The following HMCN2 variants were observed in gnomAD, a reference collection of about 807,000 sequenced individuals.
HMCN2 encodes the protein hemicentin-2.
In HMCN2, 325 loss-of-function variants were observed where a neutral mutation model predicts 377.5. The observed-to-expected ratio is 0.86, with a 90% CI of 0.79 to 0.94. The LOEUF is 0.94. Ranked by LOEUF, HMCN2 falls within the 40% of genes least tolerant of loss-of-function variation. The probability of loss-of-function intolerance (pLI) is 0.00; values close to 1 mark genes in which losing one functional copy is unlikely to be tolerated. For synonymous variants in HMCN2, 2,007 were observed against 2,046.8 expected, an observed-to-expected ratio of 0.98 and a Z score of 0.53; for missense variants, 4,543 against 4,725.3, an observed-to-expected ratio of 0.96 and a Z score of 1.13.
chr9:130,320,909 T>G lies in HMCN2; in HGVS notation c.2775+6T>G, dbSNP rs1281652452. 6.6e-6 allele frequency: 1 copy of G among 152,326 alleles called. No homozygotes were observed. The highest frequency in any genetic ancestry group is 2.4e-5 in the African/African-American group (1 of 41,500). The allele number at this position is 152,326 out of a possible 1,614,324, so 9.4% of individuals were successfully genotyped here. A position where few individuals can be genotyped will look rare whatever the true frequency, so the allele number is the denominator to read the frequency against. On this transcript the variant is annotated splice_donor_region_variant and intron_variant, in intron 18 of 97. Coordinates refer to ENST00000683500, the MANE Select transcript of HMCN2 (RefSeq NM_001291815.2). The stretch of plus-strand genomic sequence containing the variant: ...GGCTCAAGGACGGCCGGCCCGTGAG[T>G]GTCGGGCTCCTCTGGGTGCGGTGGG...
intron 47 of HMCN2, 50 bp downstream of exon 47, chr9:130,372,457 G>A: frequency 1.4e-6 from 1 of 733,742 alleles, no homozygotes; most frequent in Non-Finnish European, 1.7e-6. Flanking sequence ...CTTCCCCACT[G>A]CCTGGGAGCT....
Position 130,294,802 on chromosome 9 carries a change from G to A in HMCN2, c.613-53G>A, listed in dbSNP as rs988005331. On this transcript the variant is annotated intron_variant, in intron 4 of 97. Transcript: ENST00000683500. ...GTATGCTGCCTAAAATCCATGGGAG[G>A]GGGAAGACATTGTGGGCACCTGCCG... is the stretch of plus-strand genomic sequence containing the variant. 1.1e-5 allele frequency: 4 copies of A among 374,770 alleles called. No homozygotes were observed. In the East Asian group the frequency reaches 2.8e-4, roughly 26 times the overall value. 23.2% of individuals were successfully genotyped at this position (374,770 alleles called of 1,614,324 possible).
intron 94 of HMCN2, chr9:130,430,052 C>T (rs1844644341): frequency 3.3e-6 from 2 of 604,958 alleles, no homozygotes; most frequent in Non-Finnish European, 5.8e-6. Flanking sequence ...GAGCTGGAGT[C>T]TGGGACGAGG....
chr9:130,364,590 A>T (rs1840588028), intron 40 of HMCN2, 124 bp from the exon 41 acceptor site: 1 of 270,908 alleles, frequency 3.7e-6, no homozygotes, highest in Non-Finnish European at 5.7e-6. Flanking sequence ...AGCAGGACTG[A>T]AGGCAGAGGA....
At chr9:130,286,592 C>T (rs545668505) in intron 4 of HMCN2, among the ~76,000 whole-genome samples, 23 of 152,364 alleles carry the variant, frequency 1.5e-4, no homozygotes, top group Non-Finnish European at 2.6e-4. Flanking sequence ...GAGGCTGAGG[C>T]TTGACGCAGC....
rs1268625504 is a variant in HMCN2 at position 130,385,833 on chromosome 9, C to T, written c.9309+71C>T. The T allele has an allele frequency of 1.7e-5, 19 of 1,112,658 alleles. No homozygotes were observed. In the Admixed American group the frequency reaches 1.9e-4, roughly 11 times the overall value. The allele number at this position is 1,112,658 out of a possible 1,614,324, so 68.9% of individuals were successfully genotyped here. A position where few individuals can be genotyped will look rare whatever the true frequency, so the allele number is the denominator to read the frequency against. On this transcript the variant is annotated intron_variant, in intron 60 of 97. Coordinates refer to ENST00000683500, the MANE Select transcript of HMCN2 (RefSeq NM_001291815.2). ...GTCGCCTCCCAGCCCTGGCGAGCTG[C>T]GGGGAGGAAGGTGGGCAGGATGTGA...
At chr9:130,296,418 G>A (rs1186721431) in intron 6 of HMCN2, among the ~76,000 whole-genome samples, 1 of 152,226 alleles carries the variant, frequency 6.6e-6, no homozygotes, top group African/African-American at 2.4e-5. Flanking sequence ...AGGGCCTGCC[G>A]GGGCTGAGGC....
chr9:130,393,951 T>C lies in HMCN2; in HGVS notation c.10444T>C (p.Cys3482Arg), dbSNP rs1012433930. ...VGAGDSGTYS[C>R]VAVSEAGEAR... is the part of the protein sequence containing the mutation. ...AGCTGGTGACTCGGGGACCTACTCC[T>C]GTGTGGCCGTGAGCGAGGCGGGGGA... is the stretch of plus-strand genomic sequence containing the variant. The change falls in exon 68 of 98, where the codon TGT (cysteine) becomes CGT (arginine). Residue 3482 changes from cysteine (C) to arginine (R), a missense_variant. This residue lies in a region of HMCN2 where 1,073 missense variants were observed against 1,319.5 expected (regional missense o/e 0.81). Transcript: ENST00000683500. This position sits in a 1 kb window ranked among gnomAD's most constrained non-coding sequence, Gnocchi z 5.2. The C allele has an allele frequency of 7.0e-6, 9 of 1,286,962 alleles. No homozygotes were observed. In the East Asian group the frequency reaches 3.3e-4, roughly 48 times the overall value. The allele number at this position is 1,286,962 out of a possible 1,614,324, so 79.7% of individuals were successfully genotyped here.
rs980233513 is a variant in HMCN2, at chr9:130,351,569, G to T, written c.4577G>T (p.Arg1526Leu). 2.3e-6 allele frequency: 3 copies of T among 1,302,832 alleles called. No individual in the cohort carries two copies. The highest frequency in any genetic ancestry group is 3.0e-6 in the Non-Finnish European group (3 of 988,036). The allele number at this position is 1,302,832 out of a possible 1,614,324, so 80.7% of individuals were successfully genotyped here. ...CAGCAGGCCAGGGACTTCCAGCTCCGAGTTCATGGTGAGCCCCCACGCCTT... is the reference window on the plus strand; with the variant it reads ...CAGCAGGCCAGGGACTTCCAGCTCCTAGTTCATGGTGAGCCCCCACGCCTT... ...AGQQARDFQLRVHAPPTIWGS... is the reference protein window; with the variant it reads ...AGQQARDFQLLVHAPPTIWGS... The change falls in exon 30 of 98, where the codon CGA becomes CTA. Residue 1526 changes from arginine (R) to leucine (L), a missense_variant. Physicochemically the swap from Arg to Leu is moderately radical, Grantham distance 102. Transcript: ENST00000683500. This position sits in a 1 kb window ranked among gnomAD's most constrained non-coding sequence, Gnocchi z 5.4.
At chr9:130,385,858 A>T in intron 60 of HMCN2, 96 bp downstream of exon 60, 1 of 828,542 alleles carries the variant, frequency 1.2e-6, no homozygotes, top group Non-Finnish European at 1.7e-6. Flanking sequence ...GCAGGATGTG[A>T]GTTGCTGCCT....
At chr9:130,391,170 C>G in intron 63 of HMCN2, 34 bp from the exon 64 acceptor site, 1 of 987,996 alleles carries the variant, frequency 1.0e-6, no homozygotes, top group Non-Finnish European at 1.2e-6. Context: ...CAGCCCCTGC[C>G]ATCACCCAGG....
chr9:130,335,935 A>G (rs938737836), intron 22 of HMCN2, among the ~76,000 whole-genome samples: 5 of 152,202 alleles, frequency 3.3e-5, no homozygotes, highest in Non-Finnish European at 7.4e-5. Flanking sequence ...CCTCCATGGA[A>G]TGAGTCTCTG....
chr9:130,383,649 A>AAGGCAGTGCCCCCT, intron 57 of HMCN2, 49 bp downstream of exon 57: 1 of 882,726 alleles, frequency 1.1e-6, no homozygotes, highest in Non-Finnish European at 1.4e-6. Context: ...TTCCCTTCCC[A>AAGGCAGTGCCCCCT]GGGGGCACTG....
At chr9:130,390,940 G>A (rs927946575) in intron 62 of HMCN2, 37 bp from the exon 63 acceptor site, 1 of 985,982 alleles carries the variant, frequency 1.0e-6, no homozygotes, top group Non-Finnish European at 1.2e-6. Context: ...AGCACAAGAA[G>A]GGGCTGGGGG....
rs2131567960 is a variant in HMCN2, at chr9:130,362,168, C to A, written c.6108+3C>A. The A allele has an allele frequency of 1.0e-6, 1 of 985,898 alleles. No individual in the cohort carries two copies. The highest frequency in any genetic ancestry group is 1.2e-6 in the Non-Finnish European group (1 of 829,954). The allele number at this position is 985,898 out of a possible 1,614,324, so 61.1% of individuals were successfully genotyped here. On this transcript the variant is annotated splice_donor_region_variant and intron_variant, in intron 39 of 97. Coordinates refer to ENST00000683500, the MANE Select transcript of HMCN2 (RefSeq NM_001291815.2). ...CTGCAGGGACCCCTGGCCTGCAGGTCAGTAGGGCTGGGTGGCCCCGGCTCA... is the reference window on the plus strand; with the variant it reads ...CTGCAGGGACCCCTGGCCTGCAGGTAAGTAGGGCTGGGTGGCCCCGGCTCA...
chr9:130,418,692 A>T, intron 85 of HMCN2, 80 bp from the exon 86 acceptor site: 1 of 1,196,328 alleles, frequency 8.4e-7, no homozygotes, highest in Non-Finnish European at 1.1e-6. Flanking sequence ...TGGATTTCCC[A>T]GTGTGTCTAA....
At chr9:130,415,208 A>G in intron 85 of HMCN2, among the ~76,000 whole-genome samples, 1 of 152,212 alleles carries the variant, frequency 6.6e-6, no homozygotes, top group East Asian at 1.9e-4. Flanking sequence ...AGATTTAAAT[A>G]AGAGCCCAAA....
intron 22 of HMCN2, among the ~76,000 whole-genome samples, chr9:130,332,954 A>G (rs1443521340): frequency 2.0e-5 from 3 of 152,154 alleles, no homozygotes; most frequent in Non-Finnish European, 4.4e-5. Flanking sequence ...AGAGGCAGCA[A>G]AAACAGCAAT....
chr9:130,404,864 C>A lies in HMCN2; in HGVS notation c.12149-5C>A. 1 of 1,238,850 alleles carries A rather than the reference C, an allele frequency of 8.1e-7. No homozygotes were observed. Among genetic ancestry groups the A allele is most frequent in the East Asian group, 6.3e-5 (1 of 15,948 alleles). 76.7% of individuals were successfully genotyped at this position (1,238,850 alleles called of 1,614,324 possible). A position where few individuals can be genotyped will look rare whatever the true frequency, so the allele number is the denominator to read the frequency against. On this transcript the variant is annotated splice_region_variant and splice_polypyrimidine_tract_variant and intron_variant, in intron 80 of 97. Transcript: ENST00000683500. ...GGTTCCGAGTGGGCCTCCCTCTGCC[C>A]GCAGTCCCACCAGTGATCGAGAATG... is the stretch of plus-strand genomic sequence containing the variant.
Sources: allele counts gnomAD v4.1 joint callset (sites outside exome capture counted in the v4.1 genomes callset), GRCh38; gene constraint gnomAD v4.1.1; regional missense constraint gnomAD v4.1.1; non-coding constraint Gnocchi (gnomAD v3.1); transcripts MANE v1.5; gene names NCBI Gene and HGNC (gene_info 2026-07-23, HGNC 2026-07-21).